The following LRRC72 variants were observed in gnomAD, a reference collection of about 807,000 sequenced individuals.
LRRC72 encodes the protein leucine-rich repeat-containing protein 72.
In LRRC72, 41 loss-of-function variants were observed where a neutral mutation model predicts 35.8. The observed-to-expected ratio is 1.15, with a 90% CI of 0.89 to 1.49. The LOEUF (loss-of-function observed/expected upper bound fraction) is 1.49. Among genes scored for constraint, LRRC72 ranks in the 40% most tolerant of loss-of-function variants. LRRC72 has a pLI of 0.00. For synonymous variants in LRRC72, 118 were observed against 119.2 expected, an observed-to-expected ratio of 0.99 and a Z score of 0.07; for missense variants, 389 against 330.7, an observed-to-expected ratio of 1.18 and a Z score of -1.37.
intron 1 of LRRC72, among the ~76,000 whole-genome samples, chr7:16,531,392 A>C (rs1214666894): frequency 6.6e-6 from 1 of 152,156 alleles, no homozygotes; most frequent in Non-Finnish European, 1.5e-5. Context: ...AGGGAAGTTC[A>C]GGACTATACA....
rs533162189 is a variant in LRRC72 at position 16,563,090 on chromosome 7, T to C, written c.428-3223T>C. Among the ~76,000 whole-genome samples the C allele has an allele frequency of 7.9e-5, 12 of 152,340 alleles. No individual in the cohort carries two copies. In the South Asian group the frequency reaches 2.3e-3, roughly 29 times the overall value. On this transcript the variant is annotated intron_variant, in intron 5 of 8. Transcript: ENST00000401542. ...ACTTCCTTCCACAGGCCGTTCTCTA[T>C]AGGCTTTTAACTTCTCCATGTCATT...
intron 2 of LRRC72, among the ~76,000 whole-genome samples, chr7:16,533,547 C>T (rs1485154522): frequency 1.3e-5 from 2 of 152,076 alleles, no homozygotes; most frequent in Non-Finnish European, 2.9e-5. Flanking sequence ...TATTTTTGCT[C>T]ATATGTAATC....
chr7:16,566,223 T>C (rs1010405182), intron 5 of LRRC72, 90 bp from the exon 6 acceptor site: 14 of 715,446 alleles, frequency 2.0e-5, no homozygotes, highest in Non-Finnish European at 2.9e-5. Context: ...TTATGTTTTA[T>C]ACGAATCTCT....
At chr7:16,543,946 T>C (rs1185129312) in intron 3 of LRRC72, among the ~76,000 whole-genome samples, 1 of 152,198 alleles carries the variant, frequency 6.6e-6, no homozygotes, top group Admixed American at 6.5e-5. Flanking sequence ...TATTTGCCAA[T>C]TTGAGTTGGG....
intron 1 of LRRC72, among the ~76,000 whole-genome samples, chr7:16,531,274 G>A (rs1419236455): frequency 6.6e-6 from 1 of 151,854 alleles, no homozygotes; most frequent in East Asian, 1.9e-4. Flanking sequence ...CCAAGCCCCA[G>A]GTCGGCTTGT....
chr7:16,553,278 A>T (rs1237256375), intron 3 of LRRC72, among the ~76,000 whole-genome samples: 1 of 152,198 alleles, frequency 6.6e-6, no homozygotes, highest in Non-Finnish European at 1.5e-5. Context: ...GAGCTCAGTT[A>T]TGATGTAATA....
intron 7 of LRRC72, among the ~76,000 whole-genome samples, chr7:16,573,136 C>T (rs558394885): frequency 6.6e-6 from 1 of 152,196 alleles, no homozygotes; most frequent in Admixed American, 6.5e-5. Context: ...TAAACCACTG[C>T]TCAAGGAAAT....
intron 7 of LRRC72, among the ~76,000 whole-genome samples, chr7:16,577,372 A>G (rs1783059802): frequency 6.6e-6 from 1 of 152,184 alleles, no homozygotes; most frequent in African/African-American, 2.4e-5. Flanking sequence ...GGGAGATACC[A>G]TATACAAAAA....
intron 3 of LRRC72, among the ~76,000 whole-genome samples, chr7:16,550,383 T>A (rs1306909025): frequency 1.3e-5 from 2 of 152,164 alleles, no homozygotes; most frequent in African/African-American, 4.8e-5. Context: ...AGGGTTGTCA[T>A]GAAAAATAAA....
chr7:16,533,428 T>A (rs1782202178), intron 2 of LRRC72, among the ~76,000 whole-genome samples: 1 of 152,152 alleles, frequency 6.6e-6, no homozygotes, highest in Non-Finnish European at 1.5e-5. Context: ...TAAATGACAC[T>A]GAAGTTTGCA....
chr7:16,558,437 C>T (rs898047502), intron 4 of LRRC72, among the ~76,000 whole-genome samples: 1 of 152,074 alleles, frequency 6.6e-6, no homozygotes, highest in African/African-American at 2.4e-5. Context: ...GGTGAAACCC[C>T]CGTCTCTACT....
chr7:16,566,666 G>C (rs961835405), intron 6 of LRRC72, among the ~76,000 whole-genome samples: 1 of 152,020 alleles, frequency 6.6e-6, no homozygotes, highest in Non-Finnish European at 1.5e-5. Context: ...TTCTGGTCCT[G>C]GTTTTGACAT....
intron 8 of LRRC72, 30 bp from the exon 9 acceptor site, chr7:16,581,294 T>G: frequency 1.4e-6 from 2 of 1,419,296 alleles, no homozygotes; most frequent in South Asian, 3.3e-5. Context: ...TGATTGCTTT[T>G]TTTCTGACAT....
intron 2 of LRRC72, among the ~76,000 whole-genome samples, chr7:16,533,614 C>A (rs1782204706): frequency 6.6e-6 from 1 of 151,988 alleles, no homozygotes. Context: ...AATTTAATCA[C>A]TTATTTCTAG....
chr7:16,537,582 G>A, intron 2 of LRRC72, 45 bp from the exon 3 acceptor site: 1 of 1,211,526 alleles, frequency 8.3e-7, no homozygotes, highest in Non-Finnish European at 1.2e-6. Flanking sequence ...TTACCTATGT[G>A]TGAACTAATT....
chr7:16,552,527 T>C (rs764223073), intron 3 of LRRC72, among the ~76,000 whole-genome samples: 1 of 152,202 alleles, frequency 6.6e-6, no homozygotes, highest in Non-Finnish European at 1.5e-5. Flanking sequence ...TTGTGTGTGA[T>C]GTTGCTTAGT....
intron 2 of LRRC72, among the ~76,000 whole-genome samples, chr7:16,533,113 C>A (rs1341925222): frequency 6.6e-6 from 1 of 152,082 alleles, no homozygotes; most frequent in Non-Finnish European, 1.5e-5. Context: ...TGGTACACAG[C>A]AAGCACTCAA....
chr7:16,526,930 G>C lies in LRRC72; in HGVS notation c.-23G>C. 6.5e-7 allele frequency: 1 copy of C among 1,535,402 alleles called. No individual in the cohort carries two copies. The highest frequency in any genetic ancestry group is 1.2e-5 in the South Asian group (1 of 83,990). ...GGGCGAGGCCGGATTAATCACCGCT[G>C]CTTCGGCCGCCCATGTGTCCTGATG... On this transcript the variant is annotated 5_prime_UTR_variant, in exon 1 of 9. Coordinates refer to ENST00000401542, the MANE Select transcript of LRRC72 (RefSeq NM_001195280.2).
At chr7:16,536,570 T>C (rs1166027297) in intron 2 of LRRC72, among the ~76,000 whole-genome samples, 1 of 152,052 alleles carries the variant, frequency 6.6e-6, no homozygotes, top group Non-Finnish European at 1.5e-5. Flanking sequence ...ATGTTAAAAA[T>C]TACGATGGTT....
Sources: allele counts gnomAD v4.1 joint callset (sites outside exome capture counted in the v4.1 genomes callset), GRCh38; gene constraint gnomAD v4.1.1; transcripts MANE v1.5; gene names NCBI Gene and HGNC (gene_info 2026-07-23, HGNC 2026-07-21).